The following IGBP1 variants were observed in gnomAD, a reference collection of about 807,000 sequenced individuals.
IGBP1 encodes the protein immunoglobulin binding protein 1.
A neutral mutation model predicts 25.9 loss-of-function variants in IGBP1; 2 were observed. The ratio of observed to expected loss-of-function variants is 0.08; its 90% CI spans 0.03 to 0.24. The LOEUF (loss-of-function observed/expected upper bound fraction) is 0.24. IGBP1 is among the 10% of genes least tolerant of loss of function. IGBP1 has a pLI of 1.00. For missense variants in IGBP1, 187 were observed against 260.4 expected, an observed-to-expected ratio of 0.72 and a Z score of 1.94; for synonymous variants, 96 against 93.4, an observed-to-expected ratio of 1.03 and a Z score of -0.16.
rs771843933 is a variant in IGBP1, at chrX:70,150,319, C to T, written c.868C>T (p.Pro290Ser). Reference protein sequence around the residue: ...LPDQGIAKAAPEEFRKAAQQQ... With the variant: ...LPDQGIAKAASEEFRKAAQQQ... ...GGATCAGGGAATAGCCAAGGCAGCA[C>T]CAGGTATGACGGGGTAGGAGGGAAA... Residue 290 changes from proline to serine, a missense_variant, in exon 6 of 7, where the codon CCA becomes TCA. By Grantham distance (74) the Pro-to-Ser change is moderately conservative. Transcript: ENST00000356413. 2 of 1,126,601 alleles carry T rather than the reference C, an allele frequency of 1.8e-6. No individual in the cohort carries two copies. The highest frequency in any genetic ancestry group is 2.4e-6 in the Non-Finnish European group (2 of 818,297). 92.8% of individuals were successfully genotyped at this position (1,126,601 alleles called of 1,213,427 possible). A position where few individuals can be genotyped will look rare whatever the true frequency, so the allele number is the denominator to read the frequency against.
intron 6 of IGBP1, among the ~76,000 whole-genome samples, chrX:70,152,032 C>T (rs1285064360): frequency 9.0e-6 from 1 of 111,616 alleles, no homozygotes; most frequent in Non-Finnish European, 1.9e-5. Context: ...ATTAGCTTTT[C>T]ACCTGTGGGC....
chrX:70,133,926 T>G lies in IGBP1; in HGVS notation c.-22T>G. On this transcript the variant is annotated 5_prime_UTR_variant, in exon 2 of 7. Transcript: ENST00000356413. ...GCCTTTGACCCCGGAAAAGAGATCTTCCGGGTTCCTCTCTCCCCAAGATGG... is the reference window on the plus strand; with the variant it reads ...GCCTTTGACCCCGGAAAAGAGATCTGCCGGGTTCCTCTCTCCCCAAGATGG... 5 of 1,203,885 alleles carry G rather than the reference T, an allele frequency of 4.2e-6. No individual in the cohort carries two copies. The highest frequency in any genetic ancestry group is 5.6e-6 in the Non-Finnish European group (5 of 889,544).
intron 3 of IGBP1, among the ~76,000 whole-genome samples, chrX:70,135,091 C>T (rs2085087238): frequency 8.9e-6 from 1 of 112,180 alleles, no homozygotes; most frequent in African/African-American, 3.2e-5. Context: ...TTCCACATCA[C>T]ATCATAGCAA....
At chrX:70,162,878 A>AT (rs1199513468) in intron 6 of IGBP1, among the ~76,000 whole-genome samples, 13 of 100,761 alleles carry the variant, frequency 1.3e-4, no homozygotes, top group African/African-American at 5.4e-4. Flanking sequence ...GGAGGATGAG[A>AT]CAGGAGAATC....
intron 5 of IGBP1, among the ~76,000 whole-genome samples, chrX:70,149,183 G>A (rs1446244107): frequency 1.6e-4 from 17 of 107,380 alleles, no homozygotes; most frequent in Admixed American, 5.0e-4. Context: ...AGCCGAGATC[G>A]CGCCATTGCA....
intron 6 of IGBP1, among the ~76,000 whole-genome samples, chrX:70,156,287 TAAAAAAAAAAA>T (rs202174045): frequency 4.0e-5 from 3 of 74,295 alleles, no homozygotes; most frequent in Admixed American, 1.5e-4. Context: ...TTCAATTTGT[TAAAAAAAAAAA>T]AAAAAAAAAA....
chrX:70,149,176 C>T (rs1602669104), intron 5 of IGBP1, among the ~76,000 whole-genome samples: 1 of 107,097 alleles, frequency 9.3e-6, no homozygotes, highest in Non-Finnish European at 1.9e-5. Flanking sequence ...TGTGGTGAGC[C>T]GAGATCGCGC....
At chrX:70,134,318 C>G (rs539673861) in intron 2 of IGBP1, among the ~76,000 whole-genome samples, 183 bp downstream of exon 2, 2 of 112,146 alleles carry the variant, frequency 1.8e-5, no homozygotes, top group Admixed American at 1.9e-4. Context: ...TGATATCTTA[C>G]GACTCTGCTT....
chrX:70,162,003 T>C (rs1297396006), intron 6 of IGBP1, among the ~76,000 whole-genome samples: 1 of 109,159 alleles, frequency 9.2e-6, no homozygotes, highest in African/African-American at 3.3e-5. Flanking sequence ...GGAGAAGAGA[T>C]AAATCTCCCC....
intron 6 of IGBP1, among the ~76,000 whole-genome samples, chrX:70,155,352 G>A (rs12009811): frequency 5.5e-5 from 6 of 109,137 alleles, no homozygotes; most frequent in South Asian, 4.0e-4. Flanking sequence ...AAAATTAGCC[G>A]GGTGTGGTGG....
intron 6 of IGBP1, among the ~76,000 whole-genome samples, chrX:70,153,558 T>G (rs1346415455): frequency 8.9e-6 from 1 of 112,712 alleles, no homozygotes; most frequent in Non-Finnish European, 1.9e-5. Flanking sequence ...CTATTTTGTT[T>G]GTGAGATTCT....
intron 4 of IGBP1, among the ~76,000 whole-genome samples, chrX:70,147,648 C>T (rs1232541970): frequency 8.9e-6 from 1 of 111,956 alleles, no homozygotes; most frequent in East Asian, 2.8e-4. Flanking sequence ...AGGGCATTTC[C>T]ATGCACAGAA....
Position 70,133,971 on chromosome X carries a change from G to C in IGBP1, c.24G>C (p.Gln8His). 1.7e-6 allele frequency: 2 copies of C among 1,211,445 alleles called. No individual in the cohort carries two copies. The highest frequency in any genetic ancestry group is 2.2e-6 in the Non-Finnish European group (2 of 895,210). ...AGATGGCTGCTGAGGACGAGTTACA[G>C]CTGCCGCGGCTCCCCGAGCTGTTCG... is the stretch of plus-strand genomic sequence containing the variant. Reference protein sequence around the residue: MAAEDELQLPRLPELFET... With the variant: MAAEDELHLPRLPELFET... Residue 8 changes from glutamine to histidine, a missense_variant, in exon 2 of 7, where the codon CAG becomes CAC. Coordinates refer to ENST00000356413, the MANE Select transcript of IGBP1 (RefSeq NM_001551.3).
chrX:70,165,514 T>C (rs2085292682), intron 6 of IGBP1, among the ~76,000 whole-genome samples: 1 of 110,223 alleles, frequency 9.1e-6, no homozygotes, highest in African/African-American at 3.3e-5. Context: ...TGTTTTTGTT[T>C]AGGGGCTTGG....
At chrX:70,139,311 C>CAAAAAAA (rs775830617) in intron 3 of IGBP1, among the ~76,000 whole-genome samples, 1 of 39,440 alleles carries the variant, frequency 2.5e-5, no homozygotes, top group African/African-American at 1.0e-4. Context: ...GACTCCGTCT[C>CAAAAAAA]AAAAAAAAAA....
chrX:70,135,003 A>C (rs1296467722), intron 3 of IGBP1, among the ~76,000 whole-genome samples, 187 bp downstream of exon 3: 1 of 112,460 alleles, frequency 8.9e-6, no homozygotes, highest in East Asian at 2.8e-4. Flanking sequence ...TGAGATGATT[A>C]TACCTACTTA....
chrX:70,134,792 C>T lies in IGBP1; in HGVS notation c.458C>T (p.Ser153Phe). 2.5e-6 allele frequency: 3 copies of T among 1,211,406 alleles called. No homozygotes were observed. The highest frequency in any genetic ancestry group is 2.3e-4 in the Middle Eastern group (1 of 4,352). Residue 153 changes from serine (S) to phenylalanine (F), a missense_variant, in exon 3 of 7, where the codon TCT becomes TTT. Coordinates refer to ENST00000356413, the MANE Select transcript of IGBP1 (RefSeq NM_001551.3). ...TATCCTAGTCTCGTTGCTATGGCAT[C>T]TCAAAGACAGGCTAAAATACAGAGG... Reference protein sequence around the residue: ...MAYPSLVAMASQRQAKIQRYK... With the variant: ...MAYPSLVAMAFQRQAKIQRYK...
In IGBP1 at chrX:70,140,175, C is replaced by T. The variant is rs2085121327; in HGVS notation, c.482+5359C>T. On this transcript the variant is annotated intron_variant, in intron 3 of 6. Transcript: ENST00000356413. ...ATGTGTCTTTCTGAGTTTTGTCTCT[C>T]TCCCCTACTACAGTATATACTCTAT... Among the ~76,000 whole-genome samples the T allele has an allele frequency of 2.7e-5, 3 of 112,283 alleles. No homozygotes were observed. The South Asian group carries it at 1.1e-3, about 41-fold the overall frequency.
At chrX:70,151,240 C>T (rs557466612) in intron 6 of IGBP1, among the ~76,000 whole-genome samples, 4 of 112,030 alleles carry the variant, frequency 3.6e-5, no homozygotes, top group East Asian at 2.8e-4. Flanking sequence ...GGATTACAGG[C>T]GTGAACCACC....
Sources: allele counts gnomAD v4.1 joint callset (sites outside exome capture counted in the v4.1 genomes callset), GRCh38; gene constraint gnomAD v4.1.1; transcripts MANE v1.5; gene names NCBI Gene and HGNC (gene_info 2026-07-23, HGNC 2026-07-21).